CGNL1: variants seen among roughly 807,000 people sequenced by gnomAD.
The protein encoded by CGNL1 is cingulin-like protein 1.
A neutral mutation model predicts 141.2 loss-of-function variants in CGNL1; 132 were observed. The ratio of observed to expected loss-of-function variants is 0.93; its 90% CI spans 0.81 to 1.08. CGNL1 has a LOEUF of 1.08. Among genes scored for constraint, CGNL1 ranks in the 50% least tolerant of loss-of-function variants. The probability of loss-of-function intolerance (pLI) is 0.00; values close to 1 mark genes in which losing one functional copy is unlikely to be tolerated. For missense variants in CGNL1, 1,870 were observed against 1,588.6 expected, an observed-to-expected ratio of 1.18 and a Z score of -3.01; for synonymous variants, 690 against 622.1, an observed-to-expected ratio of 1.11 and a Z score of -1.63.
intron 4 of CGNL1, among the ~76,000 whole-genome samples, chr15:57,449,773 G>A (rs79146851): frequency 2.7e-4 from 41 of 151,964 alleles, no homozygotes; most frequent in African/African-American, 9.4e-4. Context: ...GGTTTCCAAG[G>A]TTTTATTTTT....
At chr15:57,466,083 A>G (rs1287216593) in intron 8 of CGNL1, among the ~76,000 whole-genome samples, 4 of 152,222 alleles carry the variant, frequency 2.6e-5, no homozygotes, top group African/African-American at 9.6e-5. Flanking sequence ...TTTGGGTTAT[A>G]ATGTGCACTA....
rs2063133779 is a variant in CGNL1 at position 57,438,325 on chromosome 15, C to G, written c.326C>G (p.Ala109Gly). 1 of 1,613,984 alleles carries G rather than the reference C, an allele frequency of 6.2e-7. No homozygotes were observed. The highest frequency in any genetic ancestry group is 1.7e-5 in the Admixed American group (1 of 59,994). Reference sequence around the variant, plus strand: ...CTTCAGCTTCCAGAAAACCCATACGCCCAGCCTAGCCCAATAAGAAACCTG... The same window carrying G: ...CTTCAGCTTCCAGAAAACCCATACGGCCAGCCTAGCCCAATAAGAAACCTG... ...EELQLPENPY[A>G]QPSPIRNLKQ... The change falls in exon 2 of 19, where the codon GCC (alanine) becomes GGC (glycine). Residue 109 changes from alanine (A) to glycine (G), a missense_variant. Coordinates refer to ENST00000281282, the MANE Select transcript of CGNL1 (RefSeq NM_032866.5).
intron 14 of CGNL1, 41 bp downstream of exon 14, chr15:57,531,820 T>TG: frequency 7.7e-7 from 1 of 1,302,028 alleles, no homozygotes; most frequent in Non-Finnish European, 1.1e-6. Context: ...TTGTCCTGTG[T>TG]GAAAAAGGAA....
intron 8 of CGNL1, among the ~76,000 whole-genome samples, chr15:57,496,003 A>T (rs1450967125): frequency 6.6e-6 from 1 of 152,228 alleles, no homozygotes; most frequent in African/African-American, 2.4e-5. Context: ...CAAAACTGAT[A>T]ACCAGGAATG....
intron 1 of CGNL1, among the ~76,000 whole-genome samples, chr15:57,387,725 G>A (rs1462640410): frequency 6.6e-6 from 1 of 152,190 alleles, no homozygotes; most frequent in African/African-American, 2.4e-5. Flanking sequence ...ACCTCCCCCT[G>A]TTTTAAAGCA....
chr15:57,381,525 C>T (rs2062424650), intron 1 of CGNL1, among the ~76,000 whole-genome samples: 1 of 152,160 alleles, frequency 6.6e-6, no homozygotes, highest in Non-Finnish European at 1.5e-5. Context: ...CATGCCACTG[C>T]ACTCCAGCCT....
chr15:57,427,707 C>T (rs183643705), intron 1 of CGNL1, among the ~76,000 whole-genome samples: 39 of 152,368 alleles, frequency 2.6e-4, no homozygotes, highest in Admixed American at 1.4e-3. Context: ...ACTTTGCAGA[C>T]ATCTGCGAGG....
At chr15:57,490,134 A>G (rs748254997) in intron 8 of CGNL1, among the ~76,000 whole-genome samples, 13 of 152,172 alleles carry the variant, frequency 8.5e-5, no homozygotes, top group Non-Finnish European at 1.5e-4. Context: ...AAAAATGAAA[A>G]TAAGCAATAA....
chr15:57,451,551 T>TTGACCATAGAAGTGGC lies in CGNL1; in HGVS notation c.1859_1874dup (p.Glu625AspfsTer6). The stretch of plus-strand genomic sequence containing the variant: ...AGATCTATTGGAACAGAAAAGCAAG[T>TTGACCATAGAAGTGGC]TGACCATAGAAGTGGCTGAACTTCA... On this transcript the variant is annotated frameshift_variant, in exon 5 of 19. Coordinates refer to ENST00000281282, the MANE Select transcript of CGNL1 (RefSeq NM_032866.5). LOFTEE classifies it high-confidence loss of function. 1 of 1,613,314 alleles carries TTGACCATAGAAGTGGC rather than the reference T, an allele frequency of 6.2e-7. No homozygotes were observed.
intron 12 of CGNL1, chr15:57,527,112 G>C (rs2031662889): frequency 1.3e-5 from 2 of 152,080 alleles, no homozygotes; most frequent in Admixed American, 1.3e-4. Flanking sequence ...TCCAGAAAAT[G>C]TCCCATCACT....
chr15:57,461,203 TAGA>T (rs1567132691), intron 7 of CGNL1, among the ~76,000 whole-genome samples: 1 of 152,068 alleles, frequency 6.6e-6, no homozygotes, highest in Non-Finnish European at 1.5e-5. Context: ...GCAAATGAGA[TAGA>T]AGAAAAACAG....
intron 10 of CGNL1, among the ~76,000 whole-genome samples, chr15:57,520,205 A>G (rs2140118578): frequency 6.6e-6 from 1 of 152,336 alleles, no homozygotes; most frequent in South Asian, 2.1e-4. Flanking sequence ...ATCTGGTCTT[A>G]AAAATAATGC....
At chr15:57,474,384 C>A (rs1392824904) in intron 8 of CGNL1, among the ~76,000 whole-genome samples, 2 of 152,188 alleles carry the variant, frequency 1.3e-5, no homozygotes, top group East Asian at 1.9e-4. Context: ...TCTAGCAGAA[C>A]CCACAGCATC....
chr15:57,457,615 T>C (rs1029946221), intron 7 of CGNL1, among the ~76,000 whole-genome samples: 1 of 152,154 alleles, frequency 6.6e-6, no homozygotes, highest in African/African-American at 2.4e-5. Context: ...GGAGGCCTCA[T>C]AATCGTGGCA....
chr15:57,529,024 G>T (rs1247355184), intron 13 of CGNL1: 2 of 497,550 alleles, frequency 4.0e-6, no homozygotes, highest in East Asian at 3.4e-5. Flanking sequence ...AGGAATGATG[G>T]ATATAAATTA....
intron 14 of CGNL1, among the ~76,000 whole-genome samples, chr15:57,533,156 T>C (rs996955325): frequency 6.6e-6 from 1 of 152,060 alleles, no homozygotes; most frequent in East Asian, 1.9e-4. Context: ...CTCCTGAGAG[T>C]GAAGAAAGTT....
intron 1 of CGNL1, among the ~76,000 whole-genome samples, chr15:57,392,050 A>C (rs1341358793): frequency 2.0e-5 from 3 of 151,646 alleles, no homozygotes; most frequent in African/African-American, 7.3e-5. Flanking sequence ...AAAAAGTCTT[A>C]ATTTTTGATT....
chr15:57,428,949 G>A (rs955805897), intron 1 of CGNL1, among the ~76,000 whole-genome samples: 1 of 152,028 alleles, frequency 6.6e-6, no homozygotes, highest in South Asian at 2.1e-4. Flanking sequence ...CTTGAACCCA[G>A]GAGGCAGAGG....
intron 1 of CGNL1, 105 bp from the exon 2 acceptor site, chr15:57,437,880 T>A: frequency 8.9e-7 from 1 of 1,118,576 alleles, no homozygotes; most frequent in Non-Finnish European, 1.3e-6. Context: ...AATGTCTTGT[T>A]TTCTTTGAAC....
Sources: allele counts gnomAD v4.1 joint callset (sites outside exome capture counted in the v4.1 genomes callset), GRCh38; gene constraint gnomAD v4.1.1; transcripts MANE v1.5; gene names NCBI Gene and HGNC (gene_info 2026-07-23, HGNC 2026-07-21).